Variants in MAP3K2 observed in about 807,000 individuals in gnomAD.
The protein encoded by MAP3K2 is mitogen-activated protein kinase kinase kinase 2.
Under a neutral mutation model 80.3 loss-of-function variants are expected in MAP3K2, and 24 were observed. The observed-to-expected ratio is 0.30, with a 90% CI of 0.22 to 0.42. The LOEUF is 0.42. Among genes scored for constraint, MAP3K2 ranks in the 10% least tolerant of loss-of-function variants. The pLI is 1.00. For synonymous variants in MAP3K2, 244 were observed against 253.7 expected (o/e 0.96, Z 0.36); for missense variants, 608 against 750.1 (o/e 0.81, Z 2.21).
intron 16 of MAP3K2, among the ~76,000 whole-genome samples, chr2:127,308,363 C>CA (rs2104803524): frequency 6.6e-6 from 1 of 152,346 alleles, no homozygotes; most frequent in Admixed American, 6.5e-5. Flanking sequence ...TTGCTCACGA[C>CA]AAAATCCTTC....
chr2:127,374,966 C>T (rs1687124533), intron 1 of MAP3K2, among the ~76,000 whole-genome samples: 1 of 152,162 alleles, frequency 6.6e-6, no homozygotes, highest in African/African-American at 2.4e-5. Flanking sequence ...ACACTACTAG[C>T]ACAAGCCTTA....
At chr2:127,336,764 T>C (rs1161426400) in intron 4 of MAP3K2, among the ~76,000 whole-genome samples, 2 of 152,250 alleles carry the variant, frequency 1.3e-5, no homozygotes, top group Admixed American at 6.5e-5. Flanking sequence ...TATGCTTATA[T>C]GATTTGTGAG....
chr2:127,381,433 T>C (rs995462751), intron 1 of MAP3K2, among the ~76,000 whole-genome samples: 35 of 152,060 alleles, frequency 2.3e-4, no homozygotes, highest in African/African-American at 8.0e-4. Flanking sequence ...TAACAAACGA[T>C]ACTTTGAATA....
rs76163593 is a variant in MAP3K2 at position 127,375,410 on chromosome 2, A to T, written c.-66+12042T>A. The stretch of plus-strand genomic sequence containing the variant: ...TGTTATGCTTTATTATTATTTATTT[A>T]TTTATTTATTTTTTTTTTGAGACAG... On this transcript the variant is annotated intron_variant, in intron 1 of 16. Coordinates refer to ENST00000682094, the MANE Select transcript of MAP3K2 (RefSeq NM_001371910.2). Among the ~76,000 whole-genome samples, 762 of 126,256 alleles carry T rather than the reference A, an allele frequency of 6.0e-3. 10 individuals are homozygous for T. Among genetic ancestry groups the T allele is most frequent in the South Asian group, 0.039 (111 of 2,850 alleles). The allele number at this position is 126,256 out of a possible 152,430, so 82.8% of individuals were successfully genotyped here. A position where few individuals can be genotyped will look rare whatever the true frequency, so the allele number is the denominator to read the frequency against.
intron 1 of MAP3K2, among the ~76,000 whole-genome samples, chr2:127,362,946 C>T (rs1350031826): frequency 2.6e-5 from 4 of 152,140 alleles, no homozygotes; most frequent in African/African-American, 9.7e-5. Flanking sequence ...TGTGTGGATT[C>T]AACCAACTGG....
intron 5 of MAP3K2, among the ~76,000 whole-genome samples, chr2:127,334,183 AG>A (rs1264388993): frequency 3.0e-4 from 45 of 152,234 alleles, no homozygotes; most frequent in Middle Eastern, 3.4e-3. Context: ...GCAAACTGGG[AG>A]AAGTCACTAA....
intron 1 of MAP3K2, among the ~76,000 whole-genome samples, chr2:127,345,196 A>C (rs1373124178): frequency 6.6e-6 from 1 of 152,222 alleles, no homozygotes; most frequent in Admixed American, 6.5e-5. Context: ...AAGGATAGAA[A>C]AAGATATACT....
Position 127,324,085 on chromosome 2 carries a change from G to A in MAP3K2, c.745+89C>T, listed in dbSNP as rs527286329. 8.5e-4 allele frequency: 943 copies of A among 1,105,228 alleles called. 5 individuals are homozygous for A. Among genetic ancestry groups the A allele is most frequent in the Non-Finnish European group, 8.4e-5 (66 of 785,174 alleles). 68.5% of individuals were successfully genotyped at this position (1,105,228 alleles called of 1,614,324 possible). On this transcript the variant is annotated intron_variant, in intron 10 of 16. Transcript: ENST00000682094. ...AAAGCACATTTATAAATCTTTATTT[G>A]ACTTTTCAAAAATCCCCCCTCTCCC...
At position 127,364,514 on chromosome 2, in the gene MAP3K2, T is replaced by C. The variant is rs1039542569; in HGVS notation, c.-65-21320A>G. Among the ~76,000 whole-genome samples, 2 of 152,198 alleles carry C rather than the reference T, an allele frequency of 1.3e-5. No homozygotes were observed. Among genetic ancestry groups the C allele is most frequent in the Non-Finnish European group, 2.9e-5 (2 of 68,038 alleles). On this transcript the variant is annotated intron_variant, in intron 1 of 16. Transcript: ENST00000682094. The surrounding 1 kb of genome is among the most constrained non-coding windows in gnomAD (Gnocchi z 4.1). ...TGGAAAAGAATTATCGTCTGTGGAC[T>C]GTCAGACGATGTGCTAGACATTTCA...
Position 127,307,499 on chromosome 2 carries a change from TAAA to T in MAP3K2, c.*77_*79del, listed in dbSNP as rs1685724826. 2.5e-6 allele frequency: 2 copies of T among 802,830 alleles called. No homozygotes were observed. Among genetic ancestry groups the T allele is most frequent in the Admixed American group, 3.5e-5 (1 of 28,484 alleles). 49.7% of individuals were successfully genotyped at this position (802,830 alleles called of 1,614,324 possible). On this transcript the variant is annotated 3_prime_UTR_variant, in exon 17 of 17. Coordinates refer to ENST00000682094, the MANE Select transcript of MAP3K2 (RefSeq NM_001371910.2). The surrounding 1 kb of genome is among the most constrained non-coding windows in gnomAD (Gnocchi z 5.4). ...TTTCTCCCCCATCTCTCTTTTTTTA[TAAA>T]AAAGAAAAGTGCAGTCAGAGAGAAG...
chr2:127,308,895 G>T, intron 15 of MAP3K2, 133 bp from the exon 16 acceptor site: 1 of 843,330 alleles, frequency 1.2e-6, no homozygotes, highest in Non-Finnish European at 1.8e-6. Context: ...TTCATCCTCT[G>T]GCAGTAGCTG....
Position 127,368,503 on chromosome 2 carries a change from TC to T in MAP3K2, c.-66+18948del, listed in dbSNP as rs1173370897. Among the ~76,000 whole-genome samples the T allele has an allele frequency of 2.0e-5, 3 of 151,894 alleles. No homozygotes were observed. The East Asian group carries it at 5.8e-4, about 30-fold the overall frequency. ...CGGGTGTGGTGGCATGCGCCTGTAG[TC>T]CCAGCTACTCAGGAGGCTGAGGCAG... On this transcript the variant is annotated intron_variant, in intron 1 of 16. Coordinates refer to ENST00000682094, the MANE Select transcript of MAP3K2 (RefSeq NM_001371910.2).
chr2:127,345,189 G>T (rs2104852803), intron 1 of MAP3K2, among the ~76,000 whole-genome samples: 1 of 152,252 alleles, frequency 6.6e-6, no homozygotes, highest in South Asian at 2.1e-4. Context: ...ACAGTAAAAG[G>T]ATAGAAAAAG....
intron 12 of MAP3K2, among the ~76,000 whole-genome samples, chr2:127,319,106 G>A (rs1685962910): frequency 6.6e-6 from 1 of 152,106 alleles, no homozygotes; most frequent in South Asian, 2.1e-4. Flanking sequence ...ACTGTTGTGG[G>A]AAACGCAGAA....
At chr2:127,337,651 C>T (rs1252332592) in intron 4 of MAP3K2, 87 bp downstream of exon 4, 1 of 786,772 alleles carries the variant, frequency 1.3e-6, no homozygotes, top group Admixed American at 2.9e-5. Flanking sequence ...AAACTTCATT[C>T]AAATCTGAAA....
chr2:127,325,779 G>T lies in MAP3K2; in HGVS notation c.626C>A (p.Pro209His). 1 of 1,613,232 alleles carries T rather than the reference G, an allele frequency of 6.2e-7. No individual in the cohort carries two copies. Residue 209 changes from proline (P) to histidine (H), a missense_variant, in exon 9 of 17, where the codon CCT becomes CAT. Around this residue, in one of 4 missense-constraint regions of MAP3K2, gnomAD observed 467 missense variants for 521.9 expected, o/e 0.89. Transcript: ENST00000682094. ...ACAACTTCCTGAGCCAGAATTTTCA[G>T]GGCTGCTTAAAGATAATGGATCCAG... is the stretch of plus-strand genomic sequence containing the variant. ...QMLDPLSLSS[P>H]ENSGSGSCPS...
chr2:127,374,925 A>G (rs974598294), intron 1 of MAP3K2, among the ~76,000 whole-genome samples: 4 of 152,220 alleles, frequency 2.6e-5, no homozygotes, highest in African/African-American at 9.6e-5. Context: ...TCAGAAAACA[A>G]AAAAGGGGGA....
intron 1 of MAP3K2, among the ~76,000 whole-genome samples, chr2:127,363,527 T>G (rs564889913): frequency 3.6e-4 from 55 of 152,292 alleles, no homozygotes; most frequent in African/African-American, 1.2e-3. Context: ...AACACAGTAC[T>G]TCTCAGTCAG....
chr2:127,359,369 A>C (rs1323992794), intron 1 of MAP3K2, among the ~76,000 whole-genome samples: 2 of 152,154 alleles, frequency 1.3e-5, no homozygotes, highest in Non-Finnish European at 2.9e-5. Context: ...AAAACTGCTC[A>C]AAAAAATAAA....
Sources: allele counts gnomAD v4.1 joint callset (sites outside exome capture counted in the v4.1 genomes callset), GRCh38; gene constraint gnomAD v4.1.1; regional missense constraint gnomAD v4.1.1; non-coding constraint Gnocchi (gnomAD v3.1); transcripts MANE v1.5; gene names NCBI Gene and HGNC (gene_info 2026-07-23, HGNC 2026-07-21).